The following PPP2R5E variants were observed in gnomAD, a reference collection of about 807,000 sequenced individuals.
The protein encoded by PPP2R5E is serine/threonine-protein phosphatase 2A 56 kDa regulatory subunit epsilon isoform.
PPP2R5E carries 4 observed loss-of-function variants against 65.3 expected under a neutral mutation model. The ratio of observed to expected loss-of-function variants is 0.06; its 90% CI spans 0.03 to 0.14. The LOEUF is 0.14. PPP2R5E is among the 10% of genes least tolerant of loss of function. The pLI is 1.00. For synonymous variants in PPP2R5E, 183 were observed against 187.4 expected (o/e 0.98, Z 0.19); for missense variants, 274 against 556.1 (o/e 0.49, Z 5.10).
In PPP2R5E at chr14:63,433,160, C is replaced by T. The variant is rs142949489; in HGVS notation, c.355-11066G>A. On this transcript the variant is annotated intron_variant, in intron 3 of 13. Coordinates refer to ENST00000337537, the MANE Select transcript of PPP2R5E (RefSeq NM_006246.5). ...ACAAGTGATCCTCCCACCTCAGCCCCGCAAGTAGCTGGGACTACAGGCATG... is the reference window on the plus strand; with the variant it reads ...ACAAGTGATCCTCCCACCTCAGCCCTGCAAGTAGCTGGGACTACAGGCATG... Among the ~76,000 whole-genome samples, 1,314 of 151,692 alleles carry T rather than the reference C, an allele frequency of 8.7e-3. 31 individuals are homozygous for T. The highest frequency in any genetic ancestry group is 0.03 in the African/African-American group (1,257 of 41,342).
intron 13 of PPP2R5E, 134 bp downstream of exon 13, chr14:63,381,919 GGTT>G: frequency 1.6e-6 from 1 of 613,030 alleles, no homozygotes; most frequent in Middle Eastern, 3.2e-4. Flanking sequence ...AACATATACT[GGTT>G]GTTAAGTAAT....
In PPP2R5E at chr14:63,539,588, G is replaced by A. The variant is rs775838926; in HGVS notation, c.98C>T (p.Ser33Phe). 6.2e-7 allele frequency: 1 copy of A among 1,614,098 alleles called. No individual in the cohort carries two copies. Among genetic ancestry groups the A allele is most frequent in the Non-Finnish European group, 8.5e-7 (1 of 1,179,984 alleles). ...RKARQKRSQS[S>F]SQFRSQGKPI... ...CTTGCCTTGAGACCTAAACTGTGAG[G>A]AACTTTGCGACCTCTTCTGTCTGGC... is the stretch of plus-strand genomic sequence containing the variant. The change falls in exon 2 of 14, where the codon TCC (serine) becomes TTC (phenylalanine). Residue 33 changes from serine to phenylalanine, a missense_variant. Ser to Phe is a radical substitution (Grantham distance 155). This residue lies in a region of PPP2R5E where 58 missense variants were observed against 64.8 expected (regional missense o/e 0.90). Transcript: ENST00000337537.
intron 10 of PPP2R5E, 64 bp from the exon 11 acceptor site, chr14:63,389,795 G>A: frequency 1.4e-6 from 2 of 1,415,318 alleles, no homozygotes; most frequent in Non-Finnish European, 9.3e-7. Flanking sequence ...TAAGAACAAG[G>A]AGGATTAATG....
intron 2 of PPP2R5E, among the ~76,000 whole-genome samples, chr14:63,526,191 A>ATGC (rs1235018089): frequency 6.6e-6 from 1 of 152,140 alleles, no homozygotes; most frequent in Non-Finnish European, 1.5e-5. Flanking sequence ...TCAAAATAAA[A>ATGC]TGCTGCAAAA....
At chr14:63,430,403 ATACATACATACATACATG>A (rs2139919895) in intron 3 of PPP2R5E, among the ~76,000 whole-genome samples, 1 of 150,110 alleles carries the variant, frequency 6.7e-6, no homozygotes, top group East Asian at 2.1e-4. Context: ...ACATACATGC[ATACATACATACATACATG>A]CATACATACA....
At chr14:63,393,120 A>G (rs1307577099) in intron 8 of PPP2R5E, among the ~76,000 whole-genome samples, 2 of 152,266 alleles carry the variant, frequency 1.3e-5, no homozygotes, top group Non-Finnish European at 2.9e-5. Flanking sequence ...GGCAACTGAT[A>G]GACTAACGCA....
chr14:63,485,573 TC>T (rs1225895073), intron 2 of PPP2R5E, among the ~76,000 whole-genome samples: 1 of 150,852 alleles, frequency 6.6e-6, no homozygotes, highest in Admixed American at 6.6e-5. Flanking sequence ...TGCCACCACG[TC>T]CGGCTAATTT....
intron 2 of PPP2R5E, among the ~76,000 whole-genome samples, chr14:63,509,865 TTTG>T (rs1474498323): frequency 1.3e-5 from 2 of 152,160 alleles, no homozygotes; most frequent in African/African-American, 2.4e-5. Context: ...ACCTAAGCAA[TTTG>T]GTACGTAGAT....
intron 2 of PPP2R5E, among the ~76,000 whole-genome samples, chr14:63,518,803 A>C (rs574633606): frequency 6.6e-6 from 1 of 152,352 alleles, no homozygotes; most frequent in African/African-American, 2.4e-5. Flanking sequence ...ATCACATGGA[A>C]AAATAAAAGT....
At chr14:63,407,913 G>A (rs1007807468) in intron 5 of PPP2R5E, among the ~76,000 whole-genome samples, 3 of 152,160 alleles carry the variant, frequency 2.0e-5, no homozygotes, top group African/African-American at 4.8e-5. Context: ...CCAGCACCTC[G>A]ATCTTGAACT....
chr14:63,518,719 G>T (rs1410384576), intron 2 of PPP2R5E, among the ~76,000 whole-genome samples: 4 of 152,094 alleles, frequency 2.6e-5, no homozygotes, highest in African/African-American at 7.2e-5. Context: ...CATGACAAGA[G>T]AACTTTTTAA....
At chr14:63,464,527 G>A (rs1031341805) in intron 2 of PPP2R5E, among the ~76,000 whole-genome samples, 1 of 152,204 alleles carries the variant, frequency 6.6e-6, no homozygotes, top group African/African-American at 2.4e-5. Flanking sequence ...TGTGGCTGGA[G>A]CTGGAGTGGA....
intron 2 of PPP2R5E, among the ~76,000 whole-genome samples, chr14:63,462,239 T>C (rs1376672765): frequency 6.6e-6 from 1 of 151,964 alleles, no homozygotes; most frequent in Non-Finnish European, 1.5e-5. Context: ...CCCGGCTAAT[T>C]TTTTGTATTT....
chr14:63,441,700 A>G (rs1888246734), intron 3 of PPP2R5E, among the ~76,000 whole-genome samples: 1 of 152,158 alleles, frequency 6.6e-6, no homozygotes, highest in African/African-American at 2.4e-5. Flanking sequence ...TCATGAGGTC[A>G]GGAGATTGAG....
At chr14:63,514,950 C>T (rs1230442187) in intron 2 of PPP2R5E, among the ~76,000 whole-genome samples, 2 of 152,188 alleles carry the variant, frequency 1.3e-5, no homozygotes, top group African/African-American at 4.8e-5. Flanking sequence ...GGAAAATTCA[C>T]TAAAATTCTA....
intron 12 of PPP2R5E, among the ~76,000 whole-genome samples, chr14:63,382,639 G>A (rs1884433933): frequency 6.6e-6 from 1 of 151,962 alleles, no homozygotes; most frequent in Non-Finnish European, 1.5e-5. Flanking sequence ...AACCTCAGGT[G>A]ATCTGCCTGC....
chr14:63,479,186 C>T (rs1262586694), intron 2 of PPP2R5E: 1 of 151,986 alleles, frequency 6.6e-6, no homozygotes, highest in African/African-American at 2.4e-5. Flanking sequence ...TCTGTTATTC[C>T]CAGATTTCAT....
chr14:63,470,918 T>C lies in PPP2R5E; in HGVS notation c.158-17033A>G, dbSNP rs142561805. On this transcript the variant is annotated intron_variant, in intron 2 of 13. Coordinates refer to ENST00000337537, the MANE Select transcript of PPP2R5E (RefSeq NM_006246.5). Reference sequence around the variant, plus strand: ...CAATCTACATTGCTTGCTTGTACCATTAATGCACCCTGATATTACAAAGGT... The same window carrying C: ...CAATCTACATTGCTTGCTTGTACCACTAATGCACCCTGATATTACAAAGGT... Among the ~76,000 whole-genome samples the C allele has an allele frequency of 9.4e-3, 1,432 of 152,206 alleles. 30 individuals carry two copies. Among genetic ancestry groups the C allele is most frequent in the African/African-American group, 0.033 (1,377 of 41,520 alleles).
intron 7 of PPP2R5E, among the ~76,000 whole-genome samples, chr14:63,394,751 G>A (rs1885226267): frequency 6.6e-6 from 1 of 152,114 alleles, no homozygotes; most frequent in Non-Finnish European, 1.5e-5. Context: ...ATCCTCCCTT[G>A]TGTGTAGAAA....
Sources: gnomAD v4.1 joint callset for allele counts (sites outside exome capture counted in the v4.1 genomes callset) on GRCh38, gnomAD v4.1.1 for gene constraint, gnomAD v4.1.1 regional missense constraint, MANE v1.5 for transcripts, NCBI Gene and HGNC (gene_info 2026-07-23, HGNC 2026-07-21) for gene names.